Variants in UNC5C observed in about 807,000 individuals in gnomAD.
UNC5C encodes the protein netrin receptor UNC5C.
Under a neutral mutation model 99.8 loss-of-function variants are expected in UNC5C, and 47 were observed. The ratio of observed to expected loss-of-function variants is 0.47; its 90% CI spans 0.37 to 0.60. UNC5C has a LOEUF of 0.60. Ranked by LOEUF, UNC5C falls within the 20% of genes least tolerant of loss-of-function variation. The pLI, the probability that UNC5C is intolerant of heterozygous loss-of-function variation, is 0.00. For missense variants in UNC5C, 1,062 were observed against 1,165.9 expected (o/e 0.91, Z 1.30); for synonymous variants, 487 against 452.2 (o/e 1.08, Z -0.98).
At chr4:95,239,597 G>C (rs1437013311) in intron 7 of UNC5C, among the ~76,000 whole-genome samples, 1 of 152,108 alleles carries the variant, frequency 6.6e-6, no homozygotes, top group Non-Finnish European at 1.5e-5. Context: ...CTCTAGCTTG[G>C]AGTTGCAGCT....
chr4:95,509,885 T>C (rs1012769904), intron 1 of UNC5C, among the ~76,000 whole-genome samples: 1 of 151,888 alleles, frequency 6.6e-6, no homozygotes, highest in Non-Finnish European at 1.5e-5. Flanking sequence ...TAGCCATAAT[T>C]AGAACATTCC....
chr4:95,372,740 T>A (rs1285310852), intron 1 of UNC5C, among the ~76,000 whole-genome samples: 2 of 152,170 alleles, frequency 1.3e-5, no homozygotes, highest in Non-Finnish European at 2.9e-5. Context: ...AGAACGAATG[T>A]GTGGTTGGTG....
chr4:95,394,542 AT>A (rs1745454474), intron 1 of UNC5C, among the ~76,000 whole-genome samples: 1 of 152,154 alleles, frequency 6.6e-6, no homozygotes, highest in South Asian at 2.1e-4. Flanking sequence ...TGGGTGAGAA[AT>A]ATTCAATTTC....
At chr4:95,515,257 T>C (rs1208986019) in intron 1 of UNC5C, among the ~76,000 whole-genome samples, 3 of 152,176 alleles carry the variant, frequency 2.0e-5, no homozygotes, top group African/African-American at 7.2e-5. Flanking sequence ...TTATAGTACA[T>C]GCTGCTTTCA....
At chr4:95,225,299 T>C (rs1211398909) in intron 7 of UNC5C, among the ~76,000 whole-genome samples, 3 of 152,158 alleles carry the variant, frequency 2.0e-5, no homozygotes, top group Admixed American at 2.0e-4. Context: ...TCAAGCTATC[T>C]GCCCACCTTA....
intron 3 of UNC5C, among the ~76,000 whole-genome samples, chr4:95,292,371 G>A (rs1455209419): frequency 1.3e-5 from 2 of 151,122 alleles, no homozygotes; most frequent in African/African-American, 2.4e-5. Context: ...CCAGGTTCAC[G>A]CCATTCTCCT....
intron 12 of UNC5C, among the ~76,000 whole-genome samples, chr4:95,197,208 A>C (rs572307653): frequency 6.7e-6 from 1 of 150,122 alleles, no homozygotes; most frequent in African/African-American, 2.4e-5. Flanking sequence ...AAAAAGTGAT[A>C]ATTCACATTC....
chr4:95,335,491 T>C lies in UNC5C; in HGVS notation c.265A>G (p.Thr89Ala), dbSNP rs1743299659. Reference sequence around the variant, plus strand: ...CTATTACACTTGAAATAGATCTGGGTGGCAGGGCTTGCTTTACAGTACAGG... The same window carrying C: ...CTATTACACTTGAAATAGATCTGGGCGGCAGGGCTTGCTTTACAGTACAGG... ...VNLYCKASPA[T>A]QIYFKCNSEW... is the part of the protein sequence containing the mutation. Residue 89 changes from threonine to alanine, a missense_variant, in exon 2 of 16, where the codon ACC becomes GCC. Physicochemically the swap from Thr to Ala is moderately conservative, Grantham distance 58 (BLOSUM62 0). Coordinates refer to ENST00000453304, the MANE Select transcript of UNC5C (RefSeq NM_003728.4). The C allele has an allele frequency of 6.2e-7, 1 of 1,612,446 alleles. No homozygotes were observed. The highest frequency in any genetic ancestry group is 1.3e-5 in the African/African-American group (1 of 74,932).
At chr4:95,476,616 G>T (rs138444666) in intron 1 of UNC5C, among the ~76,000 whole-genome samples, 1 of 151,876 alleles carries the variant, frequency 6.6e-6, no homozygotes, top group Non-Finnish European at 1.5e-5. Context: ...AATATTGTTC[G>T]TTCTGTTCTG....
chr4:95,196,190 T>G (rs1390258009), intron 12 of UNC5C, among the ~76,000 whole-genome samples: 3 of 152,162 alleles, frequency 2.0e-5, no homozygotes, highest in African/African-American at 7.2e-5. Flanking sequence ...CTTGGTTAAT[T>G]TCTGGTCTAT....
Position 95,202,977 on chromosome 4 carries a change from A to G in UNC5C, c.1903-13T>C, listed in dbSNP as rs1484242951. ...CCACCACCACATCCTGGGGGACAAG[A>G]GGGAAGGGCCATGGCTAAGTCACCC... On this transcript the variant is annotated splice_polypyrimidine_tract_variant and intron_variant, in intron 11 of 15. Coordinates refer to ENST00000453304, the MANE Select transcript of UNC5C (RefSeq NM_003728.4). 2 of 1,613,742 alleles carry G rather than the reference A, an allele frequency of 1.2e-6. No homozygotes were observed. The highest frequency in any genetic ancestry group is 1.7e-6 in the Non-Finnish European group (2 of 1,179,856).
At chr4:95,462,675 A>C (rs1747640339) in intron 1 of UNC5C, among the ~76,000 whole-genome samples, 1 of 152,190 alleles carries the variant, frequency 6.6e-6, no homozygotes, top group Non-Finnish European at 1.5e-5. Flanking sequence ...AGAAACTACA[A>C]CCATCACTAG....
At chr4:95,506,485 T>A (rs1578200063) in intron 1 of UNC5C, among the ~76,000 whole-genome samples, 1 of 152,016 alleles carries the variant, frequency 6.6e-6, no homozygotes, top group African/African-American at 2.4e-5. Context: ...TAGTAATTTA[T>A]CCTGTCACTC....
At chr4:95,425,339 T>C (rs6838567) in intron 1 of UNC5C, among the ~76,000 whole-genome samples, 55,878 of 152,234 alleles carry the variant, frequency 0.37, 10,437 homozygotes, top group African/African-American at 0.42. Flanking sequence ...TTTTATTTTT[T>C]GAGACGGAGT....
intron 1 of UNC5C, among the ~76,000 whole-genome samples, chr4:95,351,137 A>C (rs945287405): frequency 6.6e-6 from 1 of 151,770 alleles, no homozygotes; most frequent in Non-Finnish European, 1.5e-5. Flanking sequence ...ATGCCCCTTC[A>C]CCTGAAGGCC....
intron 14 of UNC5C, among the ~76,000 whole-genome samples, chr4:95,177,718 G>C (rs551419246): frequency 6.6e-6 from 1 of 152,066 alleles, no homozygotes; most frequent in African/African-American, 2.4e-5. Flanking sequence ...TGTGGTAGGA[G>C]GGGCATTTGA....
intron 1 of UNC5C, among the ~76,000 whole-genome samples, chr4:95,501,696 A>T (rs1402135474): frequency 6.6e-6 from 1 of 152,158 alleles, no homozygotes; most frequent in Non-Finnish European, 1.5e-5. Context: ...TTATAAAGGC[A>T]AATCAGAGAA....
At chr4:95,330,010 T>C (rs66969062) in intron 2 of UNC5C, among the ~76,000 whole-genome samples, 26,290 of 152,126 alleles carry the variant, frequency 0.17, 2,447 homozygotes, top group African/African-American at 0.21. Context: ...TTATTATTTT[T>C]CTATTTCCAA....
chr4:95,538,890 T>C (rs929001935), intron 1 of UNC5C, among the ~76,000 whole-genome samples: 1 of 152,180 alleles, frequency 6.6e-6, no homozygotes, highest in Non-Finnish European at 1.5e-5. Flanking sequence ...TTCCTCGCAA[T>C]TGACTTTATC....
Sources: gnomAD v4.1 joint callset for allele counts (sites outside exome capture counted in the v4.1 genomes callset) on GRCh38, gnomAD v4.1.1 for gene constraint, MANE v1.5 for transcripts, NCBI Gene and HGNC (gene_info 2026-07-23, HGNC 2026-07-21) for gene names.